ODAD2: variants seen among roughly 807,000 people sequenced by gnomAD.
ODAD2 encodes outer dynein arm docking complex subunit 2, also known as outer dynein arm-docking complex subunit 2.
Under a neutral mutation model 106.8 loss-of-function variants are expected in ODAD2, and 89 were observed. The observed-to-expected ratio is 0.83, with a 90% CI of 0.70 to 0.99. The LOEUF is 0.99. ODAD2 is among the 50% of genes least tolerant of loss of function. The pLI, the probability that ODAD2 is intolerant of heterozygous loss-of-function variation, is 0.00. For missense variants in ODAD2, 1,168 were observed against 1,238.5 expected (o/e 0.94, Z 0.85); for synonymous variants, 404 against 436.2 (o/e 0.93, Z 0.92).
At chr10:27,983,410 T>C (rs1237113598) in intron 6 of ODAD2, among the ~76,000 whole-genome samples, 4 of 152,198 alleles carry the variant, frequency 2.6e-5, no homozygotes, top group Admixed American at 6.5e-5. Context: ...GGGTCCCAGC[T>C]TCATAGGGCA....
intron 16 of ODAD2, among the ~76,000 whole-genome samples, chr10:27,926,969 G>C (rs561040807): frequency 2.9e-4 from 44 of 152,158 alleles, no homozygotes; most frequent in African/African-American, 9.9e-4. Flanking sequence ...TAAATCTACT[G>C]TTTCATAAAC....
chr10:27,858,743 C>A (rs936346810), intron 19 of ODAD2, among the ~76,000 whole-genome samples: 1 of 151,388 alleles, frequency 6.6e-6, no homozygotes, highest in African/African-American at 2.4e-5. Context: ...GAAATAATTG[C>A]GAGTTGCATA....
chr10:27,871,423 C>G (rs1564449299), intron 17 of ODAD2, among the ~76,000 whole-genome samples: 1 of 152,164 alleles, frequency 6.6e-6, no homozygotes, highest in Non-Finnish European at 1.5e-5. Context: ...GACATGAAGT[C>G]CTTGCCCATG....
intron 13 of ODAD2, among the ~76,000 whole-genome samples, 191 bp downstream of exon 13, chr10:27,940,372 T>C (rs764698031): frequency 2.0e-5 from 3 of 152,082 alleles, no homozygotes; most frequent in South Asian, 2.1e-4. Flanking sequence ...TATATATATA[T>C]ACATATATGT....
At chr10:27,987,773 A>AT (rs376235316) in intron 2 of ODAD2, among the ~76,000 whole-genome samples, 235 of 143,694 alleles carry the variant, frequency 1.6e-3, no homozygotes, top group Middle Eastern at 3.7e-3. Context: ...CCAAGGAAGA[A>AT]TTTTTTTTTT....
chr10:27,852,847 G>A (rs1839366449), intron 19 of ODAD2, among the ~76,000 whole-genome samples: 1 of 151,892 alleles, frequency 6.6e-6, no homozygotes, highest in Non-Finnish European at 1.5e-5. Context: ...TGTAATCTCA[G>A]CTACTCAGGA....
In ODAD2 at chr10:27,961,732, C is replaced by T. The variant is rs377518709; in HGVS notation, c.1239-17G>A. ...GCACTCTTCCTAAGAACAATAACAA[C>T]ACACATACACATGTAAGCTATAGTG... On this transcript the variant is annotated splice_polypyrimidine_tract_variant and intron_variant, in intron 9 of 19. Coordinates refer to ENST00000305242, the MANE Select transcript of ODAD2 (RefSeq NM_018076.5). 2.8e-5 allele frequency: 45 copies of T among 1,598,976 alleles called. No homozygotes were observed. Among genetic ancestry groups the T allele is most frequent in the Non-Finnish European group, 3.8e-5 (45 of 1,172,106 alleles).
chr10:27,907,570 A>T, intron 17 of ODAD2, 93 bp downstream of exon 17: 1 of 767,504 alleles, frequency 1.3e-6, no homozygotes, highest in Non-Finnish European at 2.1e-6. Context: ...AATCTGACTT[A>T]CAATAAGTCA....
chr10:27,958,565 C>T (rs918482769), intron 10 of ODAD2, among the ~76,000 whole-genome samples: 19 of 152,174 alleles, frequency 1.2e-4, no homozygotes, highest in Non-Finnish European at 2.9e-5. Flanking sequence ...ACTCACTCTA[C>T]TTCCCCCCTT....
At chr10:27,918,812 T>G (rs998110846) in intron 16 of ODAD2, among the ~76,000 whole-genome samples, 1 of 151,298 alleles carries the variant, frequency 6.6e-6, no homozygotes, top group Non-Finnish European at 1.5e-5. Flanking sequence ...CAAAAAAAAT[T>G]GGAAAAAATA....
chr10:27,887,521 A>G (rs1032141977), intron 17 of ODAD2, among the ~76,000 whole-genome samples: 7 of 152,052 alleles, frequency 4.6e-5, no homozygotes, highest in African/African-American at 1.7e-4. Context: ...CAACAGCAGA[A>G]TACTCATTTT....
At chr10:27,978,667 C>T (rs1474177480) in intron 7 of ODAD2, among the ~76,000 whole-genome samples, 1 of 151,994 alleles carries the variant, frequency 6.6e-6, no homozygotes, top group African/African-American at 2.4e-5. Context: ...TGGTGTGCAC[C>T]TGGAATCCCA....
chr10:27,964,462 T>C (rs1000884219), intron 9 of ODAD2, among the ~76,000 whole-genome samples: 1 of 152,218 alleles, frequency 6.6e-6, no homozygotes, highest in Non-Finnish European at 1.5e-5. Context: ...TAGTTCTGTA[T>C]TATCAGGCAT....
intron 19 of ODAD2, among the ~76,000 whole-genome samples, chr10:27,820,127 G>A (rs1836484789): frequency 6.6e-6 from 1 of 152,138 alleles, no homozygotes; most frequent in Non-Finnish European, 1.5e-5. Flanking sequence ...CCAGAGGTCA[G>A]TCTAGCTTCT....
chr10:27,930,480 C>T (rs1261544609), intron 16 of ODAD2, among the ~76,000 whole-genome samples: 1 of 152,008 alleles, frequency 6.6e-6, no homozygotes, highest in African/African-American at 2.4e-5. Context: ...CACCACTGCA[C>T]TCCAGCCTGG....
At chr10:27,921,188 A>G (rs1456487249) in intron 16 of ODAD2, among the ~76,000 whole-genome samples, 3 of 152,116 alleles carry the variant, frequency 2.0e-5, no homozygotes, top group South Asian at 4.1e-4. Context: ...CTTGATCTAA[A>G]GAACACGAAA....
At chr10:27,990,391 G>T (rs1321384242) in intron 2 of ODAD2, among the ~76,000 whole-genome samples, 1 of 152,020 alleles carries the variant, frequency 6.6e-6, no homozygotes, top group African/African-American at 2.4e-5. Context: ...GCCCATGCTG[G>T]CCTTGAACTC....
chr10:27,990,838 G>C (rs1315623964), intron 2 of ODAD2, among the ~76,000 whole-genome samples: 1 of 152,050 alleles, frequency 6.6e-6, no homozygotes, highest in East Asian at 1.9e-4. Context: ...ACTCCTACCA[G>C]AATATATTTT....
rs201117549 is a variant in ODAD2, at chr10:27,935,264, A to C, written c.2253-12T>G. On this transcript the variant is annotated splice_polypyrimidine_tract_variant and intron_variant, in intron 15 of 19. Transcript: ENST00000305242. ...TGTATTCCCGAAACCTAAGTTCATC[A>C]TAAGAAAGAGGAGAATTGGTTTTTG... The C allele has an allele frequency of 1.2e-6, 2 of 1,612,902 alleles. No individual in the cohort carries two copies. Among genetic ancestry groups the C allele is most frequent in the East Asian group, 4.5e-5 (2 of 44,834 alleles).
Sources: gnomAD v4.1 joint callset for allele counts (sites outside exome capture counted in the v4.1 genomes callset) on GRCh38, gnomAD v4.1.1 for gene constraint, MANE v1.5 for transcripts, NCBI Gene and HGNC (gene_info 2026-07-23, HGNC 2026-07-21) for gene names.